Variants in CCNY observed in about 807,000 individuals in gnomAD.
The protein encoded by CCNY is cyclin-Y.
Under a neutral mutation model 42.8 loss-of-function variants are expected in CCNY, and 19 were observed. That is an observed-to-expected ratio of 0.44 (90% CI 0.31 to 0.65). The LOEUF (loss-of-function observed/expected upper bound fraction) is 0.65. Among genes scored for constraint, CCNY ranks in the 30% least tolerant of loss-of-function variants. CCNY has a pLI of 0.07. For synonymous variants in CCNY, 165 were observed against 162.7 expected, an observed-to-expected ratio of 1.01 and a Z score of -0.11; for missense variants, 370 against 437.3, an observed-to-expected ratio of 0.85 and a Z score of 1.37.
upstream of CCNY, among the ~76,000 whole-genome samples, chr10:35,331,831 G>A (rs761933301): frequency 1.1e-4 from 16 of 152,150 alleles, no homozygotes; most frequent in Admixed American, 5.2e-4. Context: ...ATTTATAGGC[G>A]GCAGGCTTTG....
At chr10:35,380,335 A>G (rs1213423087) in intron 1 of CCNY, among the ~76,000 whole-genome samples, 1 of 152,102 alleles carries the variant, frequency 6.6e-6, no homozygotes, top group East Asian at 1.9e-4. Context: ...TATTTCTCTA[A>G]TGTCTTTCCC....
intron 3 of CCNY, among the ~76,000 whole-genome samples, chr10:35,293,277 C>CAAAA (rs1264774239): frequency 6.6e-6 from 1 of 152,152 alleles, no homozygotes; most frequent in Non-Finnish European, 1.5e-5. Context: ...TGTCAAAAAT[C>CAAAA]AAGTCATCAT....
intron 1 of CCNY, among the ~76,000 whole-genome samples, chr10:35,461,535 C>G (rs1272556242): frequency 1.3e-5 from 2 of 152,104 alleles, no homozygotes; most frequent in African/African-American, 4.8e-5. Flanking sequence ...TAGCAGGGTG[C>G]TTTGCTAAAA....
intron 1 of CCNY, among the ~76,000 whole-genome samples, chr10:35,475,855 A>C (rs1839497381): frequency 6.6e-6 from 1 of 151,250 alleles, no homozygotes; most frequent in Non-Finnish European, 1.5e-5. Flanking sequence ...AATTGGATAA[A>C]GAGTCAAGAC....
chr10:35,425,970 C>T (rs1838256020), intron 1 of CCNY, among the ~76,000 whole-genome samples: 1 of 152,068 alleles, frequency 6.6e-6, no homozygotes, highest in Admixed American at 6.5e-5. Flanking sequence ...GAGAGGACTG[C>T]AGCTTCCTTT....
intron 1 of CCNY, among the ~76,000 whole-genome samples, chr10:35,385,556 A>G (rs1358712957): frequency 6.6e-6 from 1 of 152,242 alleles, no homozygotes; most frequent in Non-Finnish European, 1.5e-5. Context: ...CTTTGTCCAC[A>G]GTTTTCCAAA....
At chr10:35,290,264 A>ACACAC (rs61407161) in intron 3 of CCNY, among the ~76,000 whole-genome samples, 20 of 149,170 alleles carry the variant, frequency 1.3e-4, no homozygotes, top group Non-Finnish European at 2.1e-4. Flanking sequence ...ACACACACAC[A>ACACAC]AAATTAGCTG....
Position 35,505,108 on chromosome 10 carries a change from T to C in CCNY, c.264+3573T>C, listed in dbSNP as rs139103843. On this transcript the variant is annotated intron_variant, in intron 3 of 9. Transcript: ENST00000374704. ...AGTGTAAAAATCTCTGATTATAGAT[T>C]GTGGGTGACATTGTAGGTGGTTGGA... Among the ~76,000 whole-genome samples the C allele has an allele frequency of 2.6e-5, 4 of 151,708 alleles. No individual in the cohort carries two copies. In the East Asian group the frequency reaches 7.7e-4, roughly 29 times the overall value.
chr10:35,473,043 A>C (rs1467469312), intron 1 of CCNY, among the ~76,000 whole-genome samples: 1 of 152,248 alleles, frequency 6.6e-6, no homozygotes, highest in Non-Finnish European at 1.5e-5. Context: ...TTATGAGTCC[A>C]GTGCTTTGTT....
At chr10:35,568,613 C>G (rs58751517) in intron 9 of CCNY, among the ~76,000 whole-genome samples, 61,827 of 152,108 alleles carry the variant, frequency 0.41, 13,721 homozygotes, top group African/African-American at 0.59. Context: ...TTGCCGCCAG[C>G]GGCCGAGCTC....
At chr10:35,490,660 C>T (rs1476139234) in intron 2 of CCNY, among the ~76,000 whole-genome samples, 1 of 152,212 alleles carries the variant, frequency 6.6e-6, no homozygotes, top group Admixed American at 6.5e-5. Context: ...CTTTCCAGCA[C>T]CCCTCCAGGG....
In CCNY at chr10:35,508,743, A is replaced by G. The variant is rs977814660; in HGVS notation, c.264+7208A>G. On this transcript the variant is annotated intron_variant, in intron 3 of 9. Transcript: ENST00000374704. ...TTTCTACTGAAAAACTTATTTTTCA[A>G]TTAAGTTTTATTGATACATAATTAA... Among the ~76,000 whole-genome samples, 6 of 152,324 alleles carry G rather than the reference A, an allele frequency of 3.9e-5. No individual in the cohort carries two copies. In the East Asian group the frequency reaches 7.7e-4, roughly 20 times the overall value.
chr10:35,308,616 G>A (rs921649686), intron 3 of CCNY, among the ~76,000 whole-genome samples: 1 of 152,108 alleles, frequency 6.6e-6, no homozygotes, highest in Non-Finnish European at 1.5e-5. Flanking sequence ...GAGGTGTGGA[G>A]GGCAGGGACC....
intron 1 of CCNY, among the ~76,000 whole-genome samples, chr10:35,340,771 T>C (rs1024214142): frequency 6.6e-6 from 1 of 152,216 alleles, no homozygotes; most frequent in Non-Finnish European, 1.5e-5. Flanking sequence ...CCCAAAGTGC[T>C]GGGATTACAG....
chr10:35,310,870 G>A (rs1466130470), intron 3 of CCNY, among the ~76,000 whole-genome samples: 1 of 152,190 alleles, frequency 6.6e-6, no homozygotes, highest in Admixed American at 6.6e-5. Context: ...GCCGGGAATC[G>A]TGGCTCACGC....
chr10:35,373,363 T>G (rs1836980251), intron 1 of CCNY, among the ~76,000 whole-genome samples: 1 of 152,222 alleles, frequency 6.6e-6, no homozygotes, highest in Admixed American at 6.5e-5. Flanking sequence ...AGCAATGGAT[T>G]CCTTGCCACC....
intron 1 of CCNY, among the ~76,000 whole-genome samples, chr10:35,342,816 T>C (rs2135123043): frequency 6.6e-6 from 1 of 152,296 alleles, no homozygotes; most frequent in Admixed American, 6.5e-5. Context: ...GGGTTCGGTC[T>C]GCTGTCAGCT....
chr10:35,451,165 A>G (rs942416789), intron 1 of CCNY, among the ~76,000 whole-genome samples: 8 of 152,342 alleles, frequency 5.3e-5, no homozygotes, highest in African/African-American at 1.9e-4. Context: ...AAGTACTTCA[A>G]GAAGACCCAG....
At chr10:35,386,430 C>T (rs1478817558) in intron 1 of CCNY, among the ~76,000 whole-genome samples, 1 of 152,160 alleles carries the variant, frequency 6.6e-6, no homozygotes, top group Non-Finnish European at 1.5e-5. Flanking sequence ...CAAAGTTAGA[C>T]TTGATTGTTC....
Sources: allele counts gnomAD v4.1 joint callset (sites outside exome capture counted in the v4.1 genomes callset), GRCh38; gene constraint gnomAD v4.1.1; transcripts MANE v1.5; gene names NCBI Gene and HGNC (gene_info 2026-07-23, HGNC 2026-07-21).